The following CD101 variants were observed in gnomAD, a reference collection of about 807,000 sequenced individuals.
The protein encoded by CD101 is immunoglobulin superfamily member 2.
CD101 carries 76 observed loss-of-function variants against 98.2 expected under a neutral mutation model. The observed-to-expected ratio is 0.77, with a 90% CI of 0.64 to 0.94. The LOEUF (loss-of-function observed/expected upper bound fraction) is 0.94. Among genes scored for constraint, CD101 ranks in the 40% least tolerant of loss-of-function variants. The pLI, the probability that CD101 is intolerant of heterozygous loss-of-function variation, is 0.00. For missense variants in CD101, 1,145 were observed against 1,218.8 expected (o/e 0.94, Z 0.90); for synonymous variants, 471 against 472.7 (o/e 1.00, Z 0.05).
chr1:117,022,558 T>C lies in CD101; in HGVS notation c.2428+575T>C, dbSNP rs1002950642. The stretch of plus-strand genomic sequence containing the variant: ...TGGTCTAAGAGTGCCACTGTCTAAA[T>C]GTGGGCAGGGTTGATTAGGTCTCTC... On this transcript the variant is annotated intron_variant, in intron 7 of 9. Transcript: ENST00000682167. This position sits in a 1 kb window ranked among gnomAD's most constrained non-coding sequence, Gnocchi z 4.8. 1.4e-4 allele frequency among the ~76,000 whole-genome samples: 21 copies of C among 152,168 alleles called. No individual in the cohort carries two copies. Among genetic ancestry groups the C allele is most frequent in the Non-Finnish European group, 2.8e-4 (19 of 68,036 alleles).
intron 9 of CD101, among the ~76,000 whole-genome samples, chr1:117,035,768 G>A (rs1464689468): frequency 6.6e-6 from 1 of 152,070 alleles, no homozygotes; most frequent in East Asian, 1.9e-4. Flanking sequence ...TAGCCAGGAT[G>A]GTCTCGATCT....
rs375655662 is a variant in CD101, at chr1:117,031,867, A to C, written c.2825-1993A>C. 2.6e-5 allele frequency among the ~76,000 whole-genome samples: 4 copies of C among 152,320 alleles called. No individual in the cohort carries two copies. In the East Asian group the frequency reaches 5.8e-4, roughly 22 times the overall value. On this transcript the variant is annotated intron_variant, in intron 8 of 9. Coordinates refer to ENST00000682167, the MANE Select transcript of CD101 (RefSeq NM_001256106.3). ...TTGAACTCAGCTCTCTTTGAAACAC[A>C]GTAGGTGCTCATTCACTACTCTGCA... is the stretch of plus-strand genomic sequence containing the variant.
chr1:117,011,673 C>T lies in CD101; in HGVS notation c.548C>T (p.Thr183Ile), dbSNP rs1652894813. The T allele has an allele frequency of 1.2e-6, 2 of 1,614,182 alleles. No individual in the cohort carries two copies. The highest frequency in any genetic ancestry group is 2.2e-5 in the East Asian group (1 of 44,884). Residue 183 changes from threonine (T) to isoleucine (I), a missense_variant, in exon 3 of 10, where the codon ACC becomes ATC. By Grantham distance (89) the Thr-to-Ile change is moderately conservative. Coordinates refer to ENST00000682167, the MANE Select transcript of CD101 (RefSeq NM_001256106.3). The stretch of plus-strand genomic sequence containing the variant: ...GCCCAACATACTCACCTCTCTGTCA[C>T]CTGGTACCTAACACAGGATGGAGGA... ...ATAQHTHLSVTWYLTQDGGGS... is the reference protein window; with the variant it reads ...ATAQHTHLSVIWYLTQDGGGS...
rs779883423 is a variant in CD101 at position 117,005,671 on chromosome 1, A to G, written c.43+3811A>G. 4.6e-5 allele frequency among the ~76,000 whole-genome samples: 7 copies of G among 152,076 alleles called. No homozygotes were observed. The highest frequency in any genetic ancestry group is 1.0e-4 in the Non-Finnish European group (7 of 68,008). On this transcript the variant is annotated intron_variant, in intron 1 of 9. Transcript: ENST00000682167. The surrounding 1 kb of genome is among the most constrained non-coding windows in gnomAD (Gnocchi z 4.4). ...TTAGTCCTCTTCCTTCTGTTCCCCA[A>G]TACTTCCCAACACTTGTATGTAACT...
At chr1:117,029,017 T>G (rs1194986351) in intron 8 of CD101, among the ~76,000 whole-genome samples, 1 of 151,234 alleles carries the variant, frequency 6.6e-6, no homozygotes, top group Non-Finnish European at 1.5e-5. Context: ...CATTTATGTT[T>G]TAGAGGGGAG....
intron 9 of CD101, among the ~76,000 whole-genome samples, chr1:117,034,865 C>T (rs1654709176): frequency 6.6e-6 from 1 of 152,214 alleles, no homozygotes; most frequent in Non-Finnish European, 1.5e-5. Flanking sequence ...CTTCCCCCTA[C>T]ACCTCCATAT....
chr1:117,032,801 G>A (rs1654544393), intron 8 of CD101: 1 of 152,266 alleles, frequency 6.6e-6, no homozygotes, highest in Non-Finnish European at 1.5e-5. Context: ...AGTCCTCTGG[G>A]CCTTTGCTTT....
At chr1:117,017,765 C>T (rs1191626436) in intron 5 of CD101, among the ~76,000 whole-genome samples, 1 of 152,204 alleles carries the variant, frequency 6.6e-6, no homozygotes, top group African/African-American at 2.4e-5. Context: ...CTTTTGACAG[C>T]TGTGGCCCTG....
chr1:117,008,866 T>C (rs1440206165), intron 1 of CD101, among the ~76,000 whole-genome samples: 1 of 152,206 alleles, frequency 6.6e-6, no homozygotes, highest in African/African-American at 2.4e-5. Context: ...CTGGCCCTTC[T>C]GGTGTCTTCC....
Position 117,013,735 on chromosome 1 carries a change from C to A in CD101, c.1171C>A (p.Gln391Lys). 1 of 1,613,834 alleles carries A rather than the reference C, an allele frequency of 6.2e-7. No homozygotes were observed. The highest frequency in any genetic ancestry group is 1.1e-5 in the South Asian group (1 of 91,050). ...CATGAAAACACGCACAGGTTCCTGG[C>A]AGGTGCTTCAGAGAAAGCAGTCACC... Reference protein sequence around the residue: ...EVMKTRTGSWQVLQRKQSPDS... With the variant: ...EVMKTRTGSWKVLQRKQSPDS... The change falls in exon 4 of 10, where the codon CAG (glutamine) becomes AAG (lysine). Residue 391 changes from glutamine to lysine, a missense_variant. Gln to Lys is a moderately conservative substitution (Grantham distance 53). Transcript: ENST00000682167.
intron 5 of CD101, 109 bp downstream of exon 5, chr1:117,017,582 C>T: frequency 9.2e-7 from 1 of 1,083,296 alleles, no homozygotes; most frequent in Non-Finnish European, 1.3e-6. Flanking sequence ...TATGTGTACC[C>T]TAGGACACAG....
chr1:117,028,191 A>C (rs1654091089), intron 8 of CD101, among the ~76,000 whole-genome samples: 2 of 152,212 alleles, frequency 1.3e-5, no homozygotes. Flanking sequence ...CCAACTGGGG[A>C]AAGATGAAGG....
Position 117,005,890 on chromosome 1 carries a change from G to A in CD101, c.44-3960G>A, listed in dbSNP as rs535049422. 2.8e-4 allele frequency among the ~76,000 whole-genome samples: 43 copies of A among 151,880 alleles called. No homozygotes were observed. Among genetic ancestry groups the A allele is most frequent in the African/African-American group, 8.5e-4 (35 of 41,410 alleles). ...TATCACAGGGTTTTTGAAAGGATTCGATTACAAATATTTTCAAAGGGTTAA... is the reference window on the plus strand; with the variant it reads ...TATCACAGGGTTTTTGAAAGGATTCAATTACAAATATTTTCAAAGGGTTAA... On this transcript the variant is annotated intron_variant, in intron 1 of 9. Coordinates refer to ENST00000682167, the MANE Select transcript of CD101 (RefSeq NM_001256106.3). This position sits in a 1 kb window ranked among gnomAD's most constrained non-coding sequence, Gnocchi z 4.4.
intron 4 of CD101, among the ~76,000 whole-genome samples, chr1:117,014,894 C>T (rs1653115738): frequency 6.6e-6 from 1 of 152,128 alleles, no homozygotes; most frequent in Admixed American, 6.5e-5. Context: ...TTTGGTCTGA[C>T]TTTCTAGAAT....
In CD101 at chr1:117,018,612, C is replaced by T; in HGVS notation, c.2017+52C>T. 6.7e-7 allele frequency: 1 copy of T among 1,492,520 alleles called. No individual in the cohort carries two copies. The highest frequency in any genetic ancestry group is 1.8e-4 in the Middle Eastern group (1 of 5,574). The allele number at this position is 1,492,520 out of a possible 1,614,324, so 92.5% of individuals were successfully genotyped here. A position where few individuals can be genotyped will look rare whatever the true frequency, so the allele number is the denominator to read the frequency against. ...GTTTTAAAAACAAACAAATAGCAAT[C>T]CTCCCATTTTGGGTAAGTTATAACA... On this transcript the variant is annotated intron_variant, in intron 6 of 9. Transcript: ENST00000682167. This position sits in a 1 kb window ranked among gnomAD's most constrained non-coding sequence, Gnocchi z 4.3.
At chr1:117,016,055 CA>C (rs1481331023) in intron 4 of CD101, among the ~76,000 whole-genome samples, 1 of 151,938 alleles carries the variant, frequency 6.6e-6, no homozygotes, top group East Asian at 1.9e-4. Flanking sequence ...ATCTGGGAGC[CA>C]GATTTACATT....
intron 8 of CD101, chr1:117,032,946 C>A (rs1654554330): frequency 6.6e-6 from 1 of 152,248 alleles, no homozygotes; most frequent in African/African-American, 2.4e-5. Context: ...TATATAGTAT[C>A]TTTTGCCCAT....
rs1652446429 is a variant in CD101, at chr1:117,004,967, G to C, written c.43+3107G>C. ...GGCAGTTTGGTGTCAGTGAGGGCCT[G>C]TTCCTCATAGCACCTTCTAACTGTG... On this transcript the variant is annotated intron_variant, in intron 1 of 9. Transcript: ENST00000682167. This position sits in a 1 kb window ranked among gnomAD's most constrained non-coding sequence, Gnocchi z 4.1. 6.6e-6 allele frequency among the ~76,000 whole-genome samples: 1 copy of C among 152,084 alleles called. No homozygotes were observed. Among genetic ancestry groups the C allele is most frequent in the South Asian group, 2.1e-4 (1 of 4,820 alleles).
At chr1:117,002,472 A>G (rs1313811143) in intron 1 of CD101, among the ~76,000 whole-genome samples, 1 of 152,210 alleles carries the variant, frequency 6.6e-6, no homozygotes, top group Non-Finnish European at 1.5e-5. Context: ...ATAGGATGGA[A>G]GAAGAGAAAA....
Sources: allele counts gnomAD v4.1 joint callset (sites outside exome capture counted in the v4.1 genomes callset), GRCh38; gene constraint gnomAD v4.1.1; non-coding constraint Gnocchi (gnomAD v3.1); transcripts MANE v1.5; gene names NCBI Gene and HGNC (gene_info 2026-07-23, HGNC 2026-07-21).